The following NCOR2 variants were observed in gnomAD, a reference collection of about 807,000 sequenced individuals.
NCOR2 encodes CTG repeat protein 26.
In NCOR2, 81 loss-of-function variants were observed where a neutral mutation model predicts 262.9. The observed-to-expected ratio is 0.31, with a 90% CI of 0.26 to 0.37. The LOEUF is 0.37. NCOR2 is among the 10% of genes least tolerant of loss of function. The pLI is 1.00. For missense variants in NCOR2, 3,385 were observed against 3,621.4 expected (o/e 0.93, Z 1.68); for synonymous variants, 1,659 against 1,559.3 (o/e 1.06, Z -1.51).
chr12:124,395,205 C>T (rs1045845831), intron 16 of NCOR2, among the ~76,000 whole-genome samples: 2 of 152,156 alleles, frequency 1.3e-5, no homozygotes, highest in African/African-American at 4.8e-5. Flanking sequence ...CAGCAATAGC[C>T]GCTTCTCCAG....
Position 124,389,285 on chromosome 12 carries a change from ATCT to A in NCOR2, c.1877-3401_1877-3399del, listed in dbSNP as rs2041088086. On this transcript the variant is annotated intron_variant, in intron 16 of 46. Coordinates refer to ENST00000405201, the Ensembl canonical transcript of NCOR2. This position sits in a 1 kb window ranked among gnomAD's most constrained non-coding sequence, Gnocchi z 4.4. ...TCCCCCGCAGCCGGGCTCAGCTCTG[ATCT>A]TCTTGCTGCCTGACCCAGCGAGACG... Among the ~76,000 whole-genome samples the A allele has an allele frequency of 2.0e-5, 3 of 152,120 alleles. No homozygotes were observed. Among genetic ancestry groups the A allele is most frequent in the East Asian group, 3.9e-4 (2 of 5,122 alleles).
At position 124,495,049 on chromosome 12, in the gene NCOR2, G is replaced by A. The variant is rs2048310108; in HGVS notation, c.105+98C>T. The A allele has an allele frequency of 7.5e-6, 11 of 1,464,390 alleles. No homozygotes were observed. In the East Asian group the frequency reaches 2.2e-4, roughly 30 times the overall value. 90.7% of individuals were successfully genotyped at this position (1,464,390 alleles called of 1,614,324 possible). ...TGCCCTGGGAGGCTCAGAGCCACATGAGCCTGGCTCCCAGGAGAAAGGAAG... is the reference window on the plus strand; with the variant it reads ...TGCCCTGGGAGGCTCAGAGCCACATAAGCCTGGCTCCCAGGAGAAAGGAAG... On this transcript the variant is annotated intron_variant, in intron 1 of 46. Coordinates refer to ENST00000405201, the Ensembl canonical transcript of NCOR2. This position sits in a 1 kb window ranked among gnomAD's most constrained non-coding sequence, Gnocchi z 4.4.
At chr12:124,327,465 G>C in exon 45 of NCOR2, 1 of 1,613,334 alleles carries the variant, frequency 6.2e-7, no homozygotes, top group Non-Finnish European at 8.5e-7. Flanking sequence ...GGGCATAGCA[G>C]CGGGCAGGCT....
At chr12:124,501,978 G>T (rs577851274) in intron 1 of NCOR2, among the ~76,000 whole-genome samples, 3 of 152,232 alleles carry the variant, frequency 2.0e-5, no homozygotes, top group Non-Finnish European at 2.9e-5. Context: ...AAGACGCTGC[G>T]GAGCGCCAGC....
chr12:124,344,815 A>C, exon 32 of NCOR2: 1 of 1,555,186 alleles, frequency 6.4e-7, no homozygotes, highest in Non-Finnish European at 8.7e-7. Context: ...GGCACGTTCC[A>C]GTGCCCGGGC....
chr12:124,524,666 C>T (rs762801937), intron 1 of NCOR2, among the ~76,000 whole-genome samples: 1 of 152,230 alleles, frequency 6.6e-6, no homozygotes, highest in Non-Finnish European at 1.5e-5. Flanking sequence ...TAACTCGGCT[C>T]GAGTGTGTCT....
chr12:124,353,248 C>T (rs934138282), intron 27 of NCOR2, among the ~76,000 whole-genome samples: 9 of 152,234 alleles, frequency 5.9e-5, no homozygotes, highest in East Asian at 1.9e-4. Context: ...AAAGGGGAAA[C>T]GGAGTCAGGG....
At chr12:124,510,287 G>T (rs1321119829) in intron 1 of NCOR2, among the ~76,000 whole-genome samples, 1 of 152,214 alleles carries the variant, frequency 6.6e-6, no homozygotes, top group Non-Finnish European at 1.5e-5. Flanking sequence ...CGTTTCCTAG[G>T]TGGAAGACTG....
chr12:124,366,424 G>C (rs569180866), intron 20 of NCOR2, among the ~76,000 whole-genome samples: 3 of 152,354 alleles, frequency 2.0e-5, no homozygotes, highest in Admixed American at 2.0e-4. Flanking sequence ...GTGGGTGCCA[G>C]GGCTGGGAGG....
At chr12:124,339,037 T>G (rs1463063811) in intron 37 of NCOR2, among the ~76,000 whole-genome samples, 1 of 107,086 alleles carries the variant, frequency 9.3e-6, no homozygotes, top group East Asian at 2.9e-4. Context: ...CCCACCTACC[T>G]ACCTAACTCA....
chr12:124,387,515 G>A (rs946829017), intron 16 of NCOR2, among the ~76,000 whole-genome samples: 3 of 152,174 alleles, frequency 2.0e-5, no homozygotes, highest in South Asian at 2.1e-4. Context: ...CGGGCGTGGG[G>A]CCCCAGACTT....
intron 1 of NCOR2, among the ~76,000 whole-genome samples, chr12:124,528,946 G>A (rs2050628712): frequency 2.6e-5 from 4 of 152,308 alleles, no homozygotes; most frequent in South Asian, 4.1e-4. Context: ...TTGGGAGGCC[G>A]AGGCGGGCAG....
In NCOR2 at chr12:124,454,365, C is replaced by T. The variant is rs2045723283; in HGVS notation, c.762+2741G>A. On this transcript the variant is annotated intron_variant, in intron 6 of 46. Transcript: ENST00000405201. This position sits in a 1 kb window ranked among gnomAD's most constrained non-coding sequence, Gnocchi z 5.6. Reference sequence around the variant, plus strand: ...GCCATCAGCCTTGTGGAAGCCTCTGCTCTGAGATCCCCAAGTGGAAGACAA... The same window carrying T: ...GCCATCAGCCTTGTGGAAGCCTCTGTTCTGAGATCCCCAAGTGGAAGACAA... Among the ~76,000 whole-genome samples, 3 of 152,194 alleles carry T rather than the reference C, an allele frequency of 2.0e-5. No homozygotes were observed. The South Asian group carries it at 6.2e-4, about 32-fold the overall frequency.
chr12:124,477,397 C>T (rs192347225), intron 3 of NCOR2, among the ~76,000 whole-genome samples: 9 of 152,346 alleles, frequency 5.9e-5, no homozygotes, highest in Admixed American at 4.6e-4. Context: ...CCATGCAGAA[C>T]TGTGAGTCAA....
At chr12:124,382,655 A>G (rs2040496019) in intron 17 of NCOR2, among the ~76,000 whole-genome samples, 1 of 152,132 alleles carries the variant, frequency 6.6e-6, no homozygotes, top group Admixed American at 6.5e-5. Flanking sequence ...CGGTCCACTA[A>G]CGAAGTGTTA....
intron 22 of NCOR2, among the ~76,000 whole-genome samples, chr12:124,359,691 G>A (rs1314894017): frequency 6.6e-6 from 1 of 152,236 alleles, no homozygotes; most frequent in Non-Finnish European, 1.5e-5. Flanking sequence ...GAGGAGGGGA[G>A]CTGTTCGATG....
Position 124,483,581 on chromosome 12 carries a change from G to T in NCOR2, c.411+15C>A. The T allele has an allele frequency of 6.4e-7, 1 of 1,555,914 alleles. No individual in the cohort carries two copies. Among genetic ancestry groups the T allele is most frequent in the East Asian group, 2.3e-5 (1 of 42,732 alleles). On this transcript the variant is annotated intron_variant, in intron 3 of 46. Coordinates refer to ENST00000405201, the Ensembl canonical transcript of NCOR2. The surrounding 1 kb of genome is among the most constrained non-coding windows in gnomAD (Gnocchi z 6.3). ...CAAGCGGGAGAGGAGCTCCCAGCTG[G>T]GGGCCCAGGCTTACCTTGGTGAGGT...
chr12:124,381,484 G>A (rs945933950), intron 17 of NCOR2, among the ~76,000 whole-genome samples: 5 of 152,174 alleles, frequency 3.3e-5, no homozygotes, highest in African/African-American at 1.2e-4. Flanking sequence ...CTCCTCAAGG[G>A]CTGGGATCTT....
intron 1 of NCOR2, among the ~76,000 whole-genome samples, chr12:124,527,901 G>GC (rs1039899604): frequency 6.6e-6 from 1 of 152,192 alleles, no homozygotes; most frequent in Non-Finnish European, 1.5e-5. Flanking sequence ...GAGGTCATCT[G>GC]CCCCCGTCCG....
Sources: gnomAD v4.1 joint callset for allele counts (sites outside exome capture counted in the v4.1 genomes callset) on GRCh38, gnomAD v4.1.1 for gene constraint, Gnocchi (gnomAD v3.1) non-coding constraint, MANE v1.5 for transcripts, NCBI Gene and HGNC (gene_info 2026-07-23, HGNC 2026-07-21) for gene names.